Variants in CSGALNACT1 observed in about 807,000 individuals in gnomAD.
CSGALNACT1 encodes chondroitin sulfate N-acetylgalactosaminyltransferase 1.
In CSGALNACT1, 52 loss-of-function variants were observed where a neutral mutation model predicts 51.0. That is an observed-to-expected ratio of 1.02 (90% CI 0.82 to 1.29). The LOEUF (loss-of-function observed/expected upper bound fraction) is 1.29, where lower values mean the gene tolerates loss of function less well. Ranked by LOEUF, CSGALNACT1 falls within the 50% of genes most tolerant of loss-of-function variation. CSGALNACT1 has a pLI of 0.00. For missense variants in CSGALNACT1, 935 were observed against 679.2 expected, an observed-to-expected ratio of 1.38 and a Z score of -4.19; for synonymous variants, 341 against 254.4, an observed-to-expected ratio of 1.34 and a Z score of -3.24.
intron 3 of CSGALNACT1, among the ~76,000 whole-genome samples, chr8:19,541,692 C>T (rs915393005): frequency 6.6e-6 from 1 of 151,270 alleles, no homozygotes; most frequent in African/African-American, 2.4e-5. Context: ...TGAGCCACTG[C>T]ACCTGGCCTG....
At chr8:19,581,441 T>C (rs1488288214) in intron 3 of CSGALNACT1, among the ~76,000 whole-genome samples, 1 of 152,238 alleles carries the variant, frequency 6.6e-6, no homozygotes, top group Non-Finnish European at 1.5e-5. Flanking sequence ...TGTGGCAGAA[T>C]TGTGCAACAT....
At chr8:19,501,232 G>C (rs1164777989) in intron 4 of CSGALNACT1, among the ~76,000 whole-genome samples, 1 of 111,198 alleles carries the variant, frequency 9.0e-6, no homozygotes, top group African/African-American at 3.6e-5. Context: ...GTGTGACAAA[G>C]CGAGACTCCG....
intron 4 of CSGALNACT1, among the ~76,000 whole-genome samples, chr8:19,500,364 TCTTC>T (rs1181203671): frequency 3.9e-5 from 6 of 152,244 alleles, no homozygotes; most frequent in African/African-American, 1.4e-4. Flanking sequence ...GAATCCCCAC[TCTTC>T]CTTATTTCTG....
At chr8:19,715,086 T>A (rs1404818663) in intron 1 of CSGALNACT1, among the ~76,000 whole-genome samples, 1 of 152,148 alleles carries the variant, frequency 6.6e-6, no homozygotes, top group East Asian at 1.9e-4. Context: ...AGCCTCAGAA[T>A]CATGGTGGGA....
intron 3 of CSGALNACT1, among the ~76,000 whole-genome samples, chr8:19,575,602 C>A (rs2044016502): frequency 6.6e-6 from 1 of 152,156 alleles, no homozygotes; most frequent in Non-Finnish European, 1.5e-5. Flanking sequence ...ACCTTTGAAA[C>A]AACTGTAATA....
At chr8:19,561,466 C>G (rs1388900737) in intron 3 of CSGALNACT1, among the ~76,000 whole-genome samples, 1 of 152,138 alleles carries the variant, frequency 6.6e-6, no homozygotes, top group Non-Finnish European at 1.5e-5. Context: ...ATGTATGAGT[C>G]CCTCTCCGAG....
At chr8:19,540,717 A>G (rs1372777204) in intron 3 of CSGALNACT1, among the ~76,000 whole-genome samples, 1 of 152,066 alleles carries the variant, frequency 6.6e-6, no homozygotes, top group Non-Finnish European at 1.5e-5. Context: ...GGATTTCTCA[A>G]TGGGTCACGC....
At chr8:19,573,882 G>A (rs963186934) in intron 3 of CSGALNACT1, among the ~76,000 whole-genome samples, 13 of 152,158 alleles carry the variant, frequency 8.5e-5, no homozygotes, top group African/African-American at 3.1e-4. Flanking sequence ...TAAGAGGACT[G>A]GTTCCATCAT....
chr8:19,700,266 G>A (rs1416387742), intron 1 of CSGALNACT1, among the ~76,000 whole-genome samples: 4 of 151,746 alleles, frequency 2.6e-5, no homozygotes, highest in East Asian at 1.9e-4. Context: ...TCCTATTTCC[G>A]GGTGTGTGAT....
rs369658772 is a variant in CSGALNACT1, at chr8:19,570,310, T to G, written c.-297+20850A>C. On this transcript the variant is annotated intron_variant, in intron 3 of 9. Transcript: ENST00000454498. Reference sequence around the variant, plus strand: ...TTTAATTATGGGAAGCCAATTTTCTTTAAGCATATTTTTGCTGATGGCTAT... The same window carrying G: ...TTTAATTATGGGAAGCCAATTTTCTGTAAGCATATTTTTGCTGATGGCTAT... 2.0e-4 allele frequency among the ~76,000 whole-genome samples: 30 copies of G among 152,306 alleles called. 1 individual carries two copies. In the East Asian group the frequency reaches 3.5e-3, roughly 18 times the overall value.
intron 3 of CSGALNACT1, among the ~76,000 whole-genome samples, chr8:19,540,960 C>T (rs752176948): frequency 1.3e-5 from 2 of 152,220 alleles, no homozygotes; most frequent in African/African-American, 4.8e-5. Flanking sequence ...CTCCAAGCCC[C>T]TACCCTGTCC....
chr8:19,569,324 C>T (rs567904089), intron 3 of CSGALNACT1, among the ~76,000 whole-genome samples: 37 of 152,274 alleles, frequency 2.4e-4, no homozygotes, highest in African/African-American at 7.7e-4. Context: ...TTGATCATAA[C>T]TTGACTCACA....
chr8:19,470,935 A>T (rs1025937048), intron 4 of CSGALNACT1, among the ~76,000 whole-genome samples: 3 of 152,064 alleles, frequency 2.0e-5, no homozygotes, highest in Non-Finnish European at 4.4e-5. Context: ...GTTTCTACTA[A>T]AAATACAAAA....
chr8:19,507,661 G>A (rs565420649), intron 3 of CSGALNACT1, among the ~76,000 whole-genome samples: 7 of 151,548 alleles, frequency 4.6e-5, no homozygotes, highest in East Asian at 3.9e-4. Flanking sequence ...ACAGAGTCTC[G>A]CTCATCGCCA....
At chr8:19,512,613 A>C (rs2154015735) in intron 3 of CSGALNACT1, among the ~76,000 whole-genome samples, 1 of 152,330 alleles carries the variant, frequency 6.6e-6, no homozygotes, top group East Asian at 1.9e-4. Context: ...TTGTGCCATC[A>C]GAAATACATT....
At chr8:19,604,954 AAC>A (rs1208270451), upstream of CSGALNACT1, among the ~76,000 whole-genome samples, 2 of 151,228 alleles carry the variant, frequency 1.3e-5, no homozygotes, top group Admixed American at 6.6e-5. Context: ...GGGCTTACAT[AAC>A]ACAGCTGCAT....
At position 19,622,804 on chromosome 8, in the gene CSGALNACT1, GA is replaced by G. The variant is rs1180477967; in HGVS notation, c.-543-20940del. The stretch of plus-strand genomic sequence containing the variant: ...TAACTGAAAATAAGGCAAGAAAGGA[GA>G]AAAAAAGAAACAAGAAATGGGTGAG... On this transcript the variant is annotated intron_variant, in intron 1 of 9. Transcript: ENST00000332246. 2.0e-5 allele frequency among the ~76,000 whole-genome samples: 3 copies of G among 151,866 alleles called. No individual in the cohort carries two copies. In the East Asian group the frequency reaches 5.8e-4, roughly 29 times the overall value.
chr8:19,533,980 C>T (rs1281619890), intron 3 of CSGALNACT1, among the ~76,000 whole-genome samples: 1 of 152,066 alleles, frequency 6.6e-6, no homozygotes, highest in African/African-American at 2.4e-5. Flanking sequence ...CCTACCTTCC[C>T]CCCATGCCAA....
At chr8:19,417,174 G>A (rs905469695) in intron 8 of CSGALNACT1, among the ~76,000 whole-genome samples, 5 of 152,080 alleles carry the variant, frequency 3.3e-5, no homozygotes, top group Non-Finnish European at 5.9e-5. Context: ...TTCTTAAGAC[G>A]TGAAAAACTC....
Sources: allele counts gnomAD v4.1 joint callset (sites outside exome capture counted in the v4.1 genomes callset), GRCh38; gene constraint gnomAD v4.1.1; transcripts MANE v1.5; gene names NCBI Gene and HGNC (gene_info 2026-07-23, HGNC 2026-07-21).